Variants in MAGEA11 observed in about 807,000 individuals in gnomAD.
MAGEA11 encodes the protein melanoma-associated antigen 11.
Under a neutral mutation model 8.4 loss-of-function variants are expected in MAGEA11, and 1 was observed. The ratio of observed to expected loss-of-function variants is 0.12; its 90% CI spans 0.04 to 0.57. The LOEUF (loss-of-function observed/expected upper bound fraction) is 0.57. MAGEA11 is among the 20% of genes least tolerant of loss of function. MAGEA11 has a pLI of 0.91. For synonymous variants in MAGEA11, 127 were observed against 119.3 expected (o/e 1.06, Z -0.42); for missense variants, 209 against 317.3 (o/e 0.66, Z 2.59).
chrX:149,691,015 C>T (rs1237423554), intron 1 of MAGEA11, among the ~76,000 whole-genome samples: 1 of 111,797 alleles, frequency 8.9e-6, no homozygotes, highest in Non-Finnish European at 1.9e-5. Context: ...TCATCGTTAT[C>T]TTTGTTCCTT....
intron 1 of MAGEA11, among the ~76,000 whole-genome samples, chrX:149,697,312 C>T (rs1353581683): frequency 3.6e-5 from 4 of 111,352 alleles, no homozygotes; most frequent in East Asian, 2.8e-4. Context: ...CCATCATTAC[C>T]GATTCACCCT....
At chrX:149,695,215 T>G (rs913440780) in intron 1 of MAGEA11, among the ~76,000 whole-genome samples, 8 of 111,624 alleles carry the variant, frequency 7.2e-5, no homozygotes, top group Non-Finnish European at 1.5e-4. Flanking sequence ...GTCTCATTTT[T>G]TCTCTTTTAT....
exon 1 of MAGEA11, chrX:149,688,938 G>A (rs1569561311): frequency 9.8e-7 from 1 of 1,022,967 alleles, no homozygotes; most frequent in Non-Finnish European, 1.3e-6. Context: ...TGGAGCTGGT[G>A]ACTGATGGCT....
upstream of MAGEA11, among the ~76,000 whole-genome samples, chrX:149,709,470 T>C (rs1308966342): frequency 9.0e-6 from 1 of 111,509 alleles, no homozygotes; most frequent in African/African-American, 3.3e-5. Context: ...TTAAAAACCA[T>C]ACAAAAAGAT....
intron 1 of MAGEA11, among the ~76,000 whole-genome samples, chrX:149,692,121 G>T (rs2090313060): frequency 8.9e-6 from 1 of 111,864 alleles, no homozygotes. Context: ...AGGTGGAGCT[G>T]TAGGGCCAGG....
chrX:149,695,649 T>G (rs2090327641), intron 1 of MAGEA11, among the ~76,000 whole-genome samples: 1 of 112,038 alleles, frequency 8.9e-6, no homozygotes, highest in Admixed American at 9.4e-5. Context: ...GAAAGGATGC[T>G]CAACTTCGTT....
rs782728098 is a variant in MAGEA11, at chrX:149,715,673, C to A, written c.262C>A (p.Gln88Lys). The A allele has an allele frequency of 8.3e-7, 1 of 1,201,758 alleles. No homozygotes were observed. The highest frequency in any genetic ancestry group is 1.8e-5 in the African/African-American group (1 of 56,927). ...RRTQRITGGE[Q>K]VLWGPITQIF... is the part of the protein sequence containing the mutation. Reference sequence around the variant, plus strand: ...AACCCAGAGGATCACTGGAGGAGAACAAGTGTAAGTAGGCCTTTGTTAGAT... The same window carrying A: ...AACCCAGAGGATCACTGGAGGAGAAAAAGTGTAAGTAGGCCTTTGTTAGAT... Residue 88 changes from glutamine (Q) to lysine (K), a missense_variant, in exon 4 of 5, where the codon CAA (glutamine) becomes AAA (lysine). This residue lies in a region of MAGEA11 where 131 missense variants were observed against 138.5 expected (regional missense o/e 0.95). Coordinates refer to ENST00000355220, the MANE Select transcript of MAGEA11 (RefSeq NM_005366.5).
chrX:149,708,196 G>T (rs968247116), upstream of MAGEA11, among the ~76,000 whole-genome samples: 23 of 111,991 alleles, frequency 2.1e-4, no homozygotes, highest in Admixed American at 2.0e-3. Flanking sequence ...TTTCCCGAGG[G>T]TGATATCCAG....
chrX:149,694,880 C>G (rs1010807201), intron 1 of MAGEA11, among the ~76,000 whole-genome samples: 1 of 110,690 alleles, frequency 9.0e-6, no homozygotes, highest in African/African-American at 3.3e-5. Flanking sequence ...TGTCATCACA[C>G]CCGGCTACCT....
chrX:149,704,821 A>G (rs941268314), intron 1 of MAGEA11, among the ~76,000 whole-genome samples: 2 of 112,321 alleles, frequency 1.8e-5, no homozygotes, highest in Non-Finnish European at 3.8e-5. Flanking sequence ...ATGACTCAAC[A>G]ATTTCCTTCG....
Position 149,714,565 on chromosome X carries a change from C to T in MAGEA11, c.181C>T (p.Pro61Ser). 2.5e-6 allele frequency: 3 copies of T among 1,210,875 alleles called. No homozygotes were observed. Among genetic ancestry groups the T allele is most frequent in the Non-Finnish European group, 3.4e-6 (3 of 895,044 alleles). ...ACAACTACAGTGGTCCCAGGATCTG[C>T]CAAGAGTCCAGGTGAGAAACCTGAG... is the stretch of plus-strand genomic sequence containing the variant. ...GPQLQWSQDLPRVQVFREQAN... is the reference protein window; with the variant it reads ...GPQLQWSQDLSRVQVFREQAN... The change falls in exon 3 of 5, where the codon CCA becomes TCA. Residue 61 changes from proline to serine, a missense_variant. By Grantham distance (74) the Pro-to-Ser change is moderately conservative. Coordinates refer to ENST00000355220, the MANE Select transcript of MAGEA11 (RefSeq NM_005366.5).
chrX:149,692,324 A>G (rs903773220), intron 1 of MAGEA11, among the ~76,000 whole-genome samples: 2 of 110,801 alleles, frequency 1.8e-5, no homozygotes, highest in South Asian at 7.8e-4. Context: ...TGAGAATCAC[A>G]TGAACCTGAG....
chrX:149,697,399 C>T (rs951156361), intron 1 of MAGEA11, among the ~76,000 whole-genome samples: 2 of 111,362 alleles, frequency 1.8e-5, no homozygotes, highest in Admixed American at 9.5e-5. Flanking sequence ...TGCAAGGCCC[C>T]ACAGTTTTTG....
chrX:149,700,540 T>C (rs1320909748), intron 1 of MAGEA11, among the ~76,000 whole-genome samples: 1 of 111,786 alleles, frequency 8.9e-6, no homozygotes, highest in African/African-American at 3.3e-5. Flanking sequence ...TTAATTTCTT[T>C]TTTTTTTTGG....
chrX:149,711,922 C>G (rs1557361932), upstream of MAGEA11: 2 of 426,772 alleles, frequency 4.7e-6, no homozygotes, highest in East Asian at 2.0e-4. Context: ...TACTTTTCCC[C>G]CTGCCCCACC....
chrX:149,710,650 T>A (rs2090395872), upstream of MAGEA11, among the ~76,000 whole-genome samples: 1 of 109,846 alleles, frequency 9.1e-6, no homozygotes, highest in African/African-American at 3.3e-5. Flanking sequence ...TTTTTCTTTC[T>A]TTCTTTTTTT....
intron 1 of MAGEA11, among the ~76,000 whole-genome samples, chrX:149,695,244 T>C (rs1224329233): frequency 1.8e-5 from 2 of 111,399 alleles, no homozygotes; most frequent in Non-Finnish European, 3.8e-5. Flanking sequence ...CCTTGCTCTT[T>C]ACTGGATCGT....
At chrX:149,690,319 G>A (rs1157738644) in intron 1 of MAGEA11, among the ~76,000 whole-genome samples, 2 of 112,557 alleles carry the variant, frequency 1.8e-5, no homozygotes, top group Non-Finnish European at 3.8e-5. Flanking sequence ...CTTTCTATAA[G>A]AGTTTCTCAT....
intron 1 of MAGEA11, among the ~76,000 whole-genome samples, chrX:149,696,582 A>T (rs893251061): frequency 6.3e-5 from 7 of 110,800 alleles, no homozygotes; most frequent in Non-Finnish European, 1.3e-4. Context: ...GGCAAATCCG[A>T]GGGAGGAGGG....
Sources: allele counts gnomAD v4.1 joint callset (sites outside exome capture counted in the v4.1 genomes callset), GRCh38; gene constraint gnomAD v4.1.1; regional missense constraint gnomAD v4.1.1; transcripts MANE v1.5; gene names NCBI Gene and HGNC (gene_info 2026-07-23, HGNC 2026-07-21).